Variants in TARBP1 observed in about 807,000 individuals in gnomAD.
TARBP1 encodes the protein tRNA guanosine 2 -O-methyltransferase TARBP1, also known as tRNA (guanosine(18)-2'-O)-methyltransferase TARBP1.
TARBP1 carries 144 observed loss-of-function variants against 178.6 expected under a neutral mutation model. The ratio of observed to expected loss-of-function variants is 0.81; its 90% CI spans 0.70 to 0.93. The LOEUF is 0.93. Ranked by LOEUF, TARBP1 falls within the 40% of genes least tolerant of loss-of-function variation. TARBP1 has a pLI of 0.00. For synonymous variants in TARBP1, 787 were observed against 781.0 expected (o/e 1.01, Z -0.13); for missense variants, 2,067 against 2,011.7 (o/e 1.03, Z -0.53).
Position 234,479,128 on chromosome 1 carries a change from C to A in TARBP1, c.-25G>T. The A allele has an allele frequency of 1.1e-5, 16 of 1,510,594 alleles. No individual in the cohort carries two copies. The highest frequency in any genetic ancestry group is 1.4e-5 in the Non-Finnish European group (16 of 1,143,078). 93.6% of individuals were successfully genotyped at this position (1,510,594 alleles called of 1,614,324 possible). ...TTTGCCGAGCGCCCGCGCCACCGGC[C>A]CGGGCTCCCAAAGGAAGGCGCCGGC... On this transcript the variant is annotated 5_prime_UTR_variant, in exon 1 of 30. Coordinates refer to ENST00000040877, the MANE Select transcript of TARBP1 (RefSeq NM_005646.4).
rs1215658262 is a variant in TARBP1 at position 234,471,229 on chromosome 1, T to C, written c.1058A>G (p.Lys353Arg). The C allele has an allele frequency of 6.2e-7, 1 of 1,600,444 alleles. No individual in the cohort carries two copies. The highest frequency in any genetic ancestry group is 1.7e-4 in the Middle Eastern group (1 of 6,036). Residue 353 changes from lysine (K) to arginine (R), a missense_variant, in exon 3 of 30, where the codon AAG becomes AGG. Lys to Arg is a conservative substitution (Grantham distance 26). Coordinates refer to ENST00000040877, the MANE Select transcript of TARBP1 (RefSeq NM_005646.4). ...CGCATATTCAAACAGATTGTTTAGC[T>C]TTGGTAAAACTGGCTTTATAACATG... ...QIHVIKPVLP[K>R]LNNLFEYAVS...
chr1:234,403,516 G>A (rs1297671167), intron 24 of TARBP1, among the ~76,000 whole-genome samples: 1 of 152,016 alleles, frequency 6.6e-6, no homozygotes, highest in Non-Finnish European at 1.5e-5. Flanking sequence ...TTAAAAAATT[G>A]CTCTGATTAC....
intron 20 of TARBP1, among the ~76,000 whole-genome samples, chr1:234,423,480 T>C (rs568055630): frequency 6.0e-4 from 92 of 152,310 alleles, no homozygotes; most frequent in African/African-American, 2.0e-3. Flanking sequence ...AGAGACTCTA[T>C]ACTCACTGTC....
intron 3 of TARBP1, 28 bp downstream of exon 3, chr1:234,471,160 T>TA: frequency 6.6e-7 from 1 of 1,519,930 alleles, no homozygotes; most frequent in Non-Finnish European, 9.0e-7. Context: ...TAAATGTTAT[T>TA]AAAAAATAAA....
At chr1:234,423,744 C>A (rs994794594) in intron 20 of TARBP1, among the ~76,000 whole-genome samples, 1 of 146,388 alleles carries the variant, frequency 6.8e-6, no homozygotes, top group Non-Finnish European at 1.5e-5. Flanking sequence ...TCTCTTTTTT[C>A]TGAATTTTTT....
rs1011968951 is a variant in TARBP1, at chr1:234,478,094, T to C, written c.931+79A>G. On this transcript the variant is annotated intron_variant, in intron 1 of 29. Transcript: ENST00000040877. ...GATCGGAGTGACGACCCCGATAAGC[T>C]AGTTTTTAGAAGCAGGAAGACTCCC... is the stretch of plus-strand genomic sequence containing the variant. 32 of 1,410,142 alleles carry C rather than the reference T, an allele frequency of 2.3e-5. No individual in the cohort carries two copies. In the African/African-American group the frequency reaches 3.4e-4, roughly 15 times the overall value. 87.4% of individuals were successfully genotyped at this position (1,410,142 alleles called of 1,614,324 possible).
intron 24 of TARBP1, 105 bp from the exon 25 acceptor site, chr1:234,401,367 C>T: frequency 1.3e-6 from 1 of 788,486 alleles, no homozygotes. Flanking sequence ...TGAGAAGGAA[C>T]AGAAAATTTT....
intron 1 of TARBP1, among the ~76,000 whole-genome samples, chr1:234,476,377 G>A (rs941405378): frequency 2.0e-5 from 3 of 152,192 alleles, no homozygotes; most frequent in African/African-American, 7.2e-5. Context: ...TACAGGAAAT[G>A]AGACTCAACA....
chr1:234,418,100 C>A lies in TARBP1; in HGVS notation c.3689G>T (p.Trp1230Leu). 1.4e-6 allele frequency: 2 copies of A among 1,400,694 alleles called. No individual in the cohort carries two copies. Among genetic ancestry groups the A allele is most frequent in the Non-Finnish European group, 1.9e-6 (2 of 1,050,654 alleles). 86.8% of individuals were successfully genotyped at this position (1,400,694 alleles called of 1,614,324 possible). A position where few individuals can be genotyped will look rare whatever the true frequency, so the allele number is the denominator to read the frequency against. ...TTTACTTACATAAGAAAAACAATCC[C>A]AGAACTTTGGAAGAAATTGAGGGAA... ...HKFPQFLPKF[W>L]DCFSYGEENL... is the part of the protein sequence containing the mutation. The change falls in exon 22 of 30, where the codon TGG (tryptophan) becomes TTG (leucine). Residue 1230 changes from tryptophan to leucine, a missense_variant. Coordinates refer to ENST00000040877, the MANE Select transcript of TARBP1 (RefSeq NM_005646.4).
chr1:234,473,346 A>G (rs1669255525), intron 1 of TARBP1, among the ~76,000 whole-genome samples: 1 of 152,238 alleles, frequency 6.6e-6, no homozygotes, highest in Non-Finnish European at 1.5e-5. Context: ...AGTGTTTAAG[A>G]AACAGTCACA....
intron 1 of TARBP1, among the ~76,000 whole-genome samples, chr1:234,475,426 C>G (rs564574692): frequency 6.6e-6 from 1 of 152,330 alleles, no homozygotes; most frequent in South Asian, 2.1e-4. Flanking sequence ...GCATCTTATT[C>G]TGTGGAAGGG....
rs529812152 is a variant in TARBP1 at position 234,471,459 on chromosome 1, A to G, written c.1030-202T>C. Among the ~76,000 whole-genome samples the G allele has an allele frequency of 2.0e-5, 3 of 152,334 alleles. No individual in the cohort carries two copies. In the South Asian group the frequency reaches 6.2e-4, roughly 32 times the overall value. ...TGGCAAAGCTAATGAATATAACCACATTACAGCTACATTAAAGTCTACCAT... is the reference window on the plus strand; with the variant it reads ...TGGCAAAGCTAATGAATATAACCACGTTACAGCTACATTAAAGTCTACCAT... On this transcript the variant is annotated intron_variant, in intron 2 of 29. Transcript: ENST00000040877.
Position 234,443,635 on chromosome 1 carries a change from G to A in TARBP1, c.2134+3168C>T, listed in dbSNP as rs181028866. Among the ~76,000 whole-genome samples, 377 of 152,096 alleles carry A rather than the reference G, an allele frequency of 2.5e-3. 1 individual carries two copies. Among genetic ancestry groups the A allele is most frequent in the Non-Finnish European group, 3.4e-3 (232 of 68,000 alleles). ...CCACTTCCAAGAGAATTGAAAGCAGGGACTCAGACATTTGTACACCCATGT... is the reference window on the plus strand; with the variant it reads ...CCACTTCCAAGAGAATTGAAAGCAGAGACTCAGACATTTGTACACCCATGT... On this transcript the variant is annotated intron_variant, in intron 12 of 29. Transcript: ENST00000040877.
chr1:234,416,469 G>A (rs560967928), intron 22 of TARBP1, among the ~76,000 whole-genome samples: 4 of 152,202 alleles, frequency 2.6e-5, no homozygotes, highest in African/African-American at 9.6e-5. Context: ...GCTAATTTCT[G>A]TATTTTTAGT....
intron 22 of TARBP1, among the ~76,000 whole-genome samples, chr1:234,414,277 A>G (rs925102142): frequency 2.6e-5 from 4 of 152,124 alleles, no homozygotes; most frequent in African/African-American, 9.7e-5. Flanking sequence ...TAGCTTGCCA[A>G]CTCCTGATCT....
chr1:234,434,083 C>G (rs1450928868), intron 13 of TARBP1, among the ~76,000 whole-genome samples: 1 of 152,164 alleles, frequency 6.6e-6, no homozygotes, highest in Non-Finnish European at 1.5e-5. Flanking sequence ...TGCACCAGCC[C>G]TGTGACATAG....
At chr1:234,470,634 T>G (rs77147262) in intron 3 of TARBP1, among the ~76,000 whole-genome samples, 1 of 88,974 alleles carries the variant, frequency 1.1e-5, no homozygotes, top group Admixed American at 1.4e-4. Context: ...TTTTTTTTTT[T>G]GAGACGGAGT....
At chr1:234,469,317 T>C (rs921970698) in intron 3 of TARBP1, among the ~76,000 whole-genome samples, 3 of 152,100 alleles carry the variant, frequency 2.0e-5, no homozygotes, top group African/African-American at 7.2e-5. Context: ...AATCCATTAT[T>C]TGTAATTTAC....
Position 234,471,221 on chromosome 1 carries a change from T to C in TARBP1, c.1066A>G (p.Asn356Asp). ...VIKPVLPKLNNLFEYAVSEEN... is the reference protein window; with the variant it reads ...VIKPVLPKLNDLFEYAVSEEN... The stretch of plus-strand genomic sequence containing the variant: ...TCTGACACCGCATATTCAAACAGAT[T>C]GTTTAGCTTTGGTAAAACTGGCTTT... The change falls in exon 3 of 30, where the codon AAT becomes GAT. Residue 356 changes from asparagine (N) to aspartate (D), a missense_variant. Physicochemically the swap from Asn to Asp is conservative, Grantham distance 23 (BLOSUM62 1). Transcript: ENST00000040877. 1 of 1,600,714 alleles carries C rather than the reference T, an allele frequency of 6.2e-7. No homozygotes were observed. Among genetic ancestry groups the C allele is most frequent in the East Asian group, 2.2e-5 (1 of 44,512 alleles).
Sources: gnomAD v4.1 joint callset for allele counts (sites outside exome capture counted in the v4.1 genomes callset) on GRCh38, gnomAD v4.1.1 for gene constraint, MANE v1.5 for transcripts, NCBI Gene and HGNC (gene_info 2026-07-23, HGNC 2026-07-21) for gene names.